IL1RAPL1: variants seen among roughly 807,000 people sequenced by gnomAD.
IL1RAPL1 encodes interleukin 1 receptor accessory protein like 1.
Under a neutral mutation model 48.4 loss-of-function variants are expected in IL1RAPL1, and 3 were observed. The ratio of observed to expected loss-of-function variants is 0.06; its 90% CI spans 0.03 to 0.16. IL1RAPL1 has a LOEUF of 0.16. IL1RAPL1 is among the 10% of genes least tolerant of loss of function. IL1RAPL1 has a pLI of 1.00. For synonymous variants in IL1RAPL1, 185 were observed against 187.7 expected (o/e 0.99, Z 0.12); for missense variants, 349 against 530.6 (o/e 0.66, Z 3.36).
At chrX:29,051,510 A>T (rs773822970) in intron 2 of IL1RAPL1, among the ~76,000 whole-genome samples, 2 of 112,327 alleles carry the variant, frequency 1.8e-5, no homozygotes, top group South Asian at 7.3e-4. Context: ...GCTTTTATGT[A>T]AAAGTATTGA....
chrX:28,694,725 A>G (rs978363820), intron 1 of IL1RAPL1, among the ~76,000 whole-genome samples: 1 of 112,016 alleles, frequency 8.9e-6, no homozygotes, highest in African/African-American at 3.2e-5. Flanking sequence ...TCATTCCCAT[A>G]CTTCTCAACC....
intron 6 of IL1RAPL1, among the ~76,000 whole-genome samples, chrX:29,748,885 GAGTCATCTAAAAAAA>G (rs1200358718): frequency 1.8e-5 from 2 of 110,283 alleles, no homozygotes; most frequent in Non-Finnish European, 3.8e-5. Context: ...TTCTGTTTTA[GAGTCATCTAAAAAAA>G]AGTCATCTAA....
chrX:29,288,091 TAATC>T (rs766036516), intron 3 of IL1RAPL1, among the ~76,000 whole-genome samples: 2 of 112,310 alleles, frequency 1.8e-5, no homozygotes, highest in African/African-American at 6.5e-5. Flanking sequence ...AATTTTGAAT[TAATC>T]TATTTTTTGA....
At chrX:29,323,711 TTTTATATATATATATATATA>T (rs1932820182) in intron 3 of IL1RAPL1, among the ~76,000 whole-genome samples, 4 of 12,768 alleles carry the variant, frequency 3.1e-4, no homozygotes, top group African/African-American at 1.1e-3. Flanking sequence ...ATACTGAATT[TTTTATATATATATATATATA>T]TATATATATA....
chrX:29,466,331 G>A (rs1330098621), intron 5 of IL1RAPL1, among the ~76,000 whole-genome samples: 3 of 111,646 alleles, frequency 2.7e-5, no homozygotes, highest in African/African-American at 6.5e-5. Context: ...ACTACTTTTA[G>A]GCGGTCTCAT....
chrX:29,568,658 T>C (rs1922491239), intron 5 of IL1RAPL1, among the ~76,000 whole-genome samples: 1 of 111,358 alleles, frequency 9.0e-6, no homozygotes, highest in Non-Finnish European at 1.9e-5. Context: ...TCAGGAATTA[T>C]ATAAAATATG....
intron 2 of IL1RAPL1, among the ~76,000 whole-genome samples, chrX:29,249,548 G>A (rs1192327275): frequency 1.8e-5 from 2 of 111,571 alleles, no homozygotes; most frequent in Admixed American, 1.9e-4. Flanking sequence ...AACACTGATA[G>A]CACTCTATGT....
At chrX:28,705,238 A>G (rs1935361590) in intron 1 of IL1RAPL1, among the ~76,000 whole-genome samples, 1 of 111,541 alleles carries the variant, frequency 9.0e-6, no homozygotes, top group African/African-American at 3.3e-5. Context: ...TAATAGAATT[A>G]CCCTAATTAT....
At chrX:29,050,344 C>A (rs1439949891) in intron 2 of IL1RAPL1, among the ~76,000 whole-genome samples, 1 of 111,763 alleles carries the variant, frequency 8.9e-6, no homozygotes, top group Non-Finnish European at 1.9e-5. Context: ...GCCTATAAGA[C>A]GGTACTATTA....
intron 6 of IL1RAPL1, among the ~76,000 whole-genome samples, chrX:29,715,835 A>C (rs945727267): frequency 5.3e-5 from 6 of 112,208 alleles, no homozygotes; most frequent in Non-Finnish European, 1.1e-4. Context: ...AATGTCTTTG[A>C]ATGTCCCAGA....
intron 3 of IL1RAPL1, among the ~76,000 whole-genome samples, chrX:29,384,558 A>T (rs1933750673): frequency 8.9e-6 from 1 of 112,386 alleles, no homozygotes. Flanking sequence ...GTATGAAAAA[A>T]TTATGAGATT....
intron 6 of IL1RAPL1, among the ~76,000 whole-genome samples, chrX:29,687,250 T>C (rs1373740175): frequency 8.9e-6 from 1 of 112,335 alleles, no homozygotes; most frequent in Non-Finnish European, 1.9e-5. Context: ...GGAATCAACT[T>C]AAATGTTCAT....
chrX:29,190,527 A>T (rs1003479547), intron 2 of IL1RAPL1, among the ~76,000 whole-genome samples: 1 of 112,079 alleles, frequency 8.9e-6, no homozygotes, highest in Non-Finnish European at 1.9e-5. Flanking sequence ...AGCACAGTTG[A>T]TGGGATACAC....
At chrX:29,163,248 A>G (rs1322779517) in intron 2 of IL1RAPL1, among the ~76,000 whole-genome samples, 1 of 111,268 alleles carries the variant, frequency 9.0e-6, no homozygotes, top group Non-Finnish European at 1.9e-5. Flanking sequence ...CTGGAAATAC[A>G]GCATGATGGT....
intron 5 of IL1RAPL1, among the ~76,000 whole-genome samples, chrX:29,515,009 T>C (rs1194576947): frequency 1.8e-5 from 2 of 112,486 alleles, no homozygotes; most frequent in Admixed American, 9.4e-5. Flanking sequence ...AGTGCAGCTA[T>C]AGCCAGTAAC....
chrX:29,375,675 CAT>C (rs1459197315), intron 3 of IL1RAPL1, among the ~76,000 whole-genome samples: 3 of 112,049 alleles, frequency 2.7e-5, no homozygotes, highest in Non-Finnish European at 5.6e-5. Flanking sequence ...CTCACTGCTT[CAT>C]TACAGCTTCC....
At chrX:29,381,696 G>GTCTCAGC (rs1232406646) in intron 3 of IL1RAPL1, among the ~76,000 whole-genome samples, 3 of 102,409 alleles carry the variant, frequency 2.9e-5, no homozygotes, top group Admixed American at 1.1e-4. Flanking sequence ...CATTCCTGCA[G>GTCTCAGC]TCTCAGCTAC....
intron 2 of IL1RAPL1, among the ~76,000 whole-genome samples, chrX:29,260,531 C>T (rs1302336067): frequency 2.7e-5 from 3 of 111,399 alleles, no homozygotes; most frequent in African/African-American, 6.5e-5. Context: ...TGAGGGAAAC[C>T]GCCCCTATGA....
chrX:29,867,133 T>G (rs1931710301), intron 6 of IL1RAPL1, among the ~76,000 whole-genome samples: 1 of 109,045 alleles, frequency 9.2e-6, no homozygotes, highest in African/African-American at 3.5e-5. Flanking sequence ...CATAATAAAA[T>G]ATATATTGGT....
Sources: allele counts gnomAD v4.1 joint callset (sites outside exome capture counted in the v4.1 genomes callset), GRCh38; gene constraint gnomAD v4.1.1; transcripts MANE v1.5; gene names NCBI Gene and HGNC (gene_info 2026-07-23, HGNC 2026-07-21).